Variants in RNF213 observed in about 807,000 individuals in gnomAD.
RNF213 encodes E3 ubiquitin-protein ligase RNF213.
A neutral mutation model predicts 514.4 loss-of-function variants in RNF213; 341 were observed. The ratio of observed to expected loss-of-function variants is 0.66; its 90% CI spans 0.61 to 0.73. The LOEUF is 0.73. Ranked by LOEUF, RNF213 falls within the 30% of genes least tolerant of loss-of-function variation. RNF213 has a pLI of 0.00. For synonymous variants in RNF213, 2,655 were observed against 2,658.2 expected (o/e 1.00, Z 0.04); for missense variants, 5,767 against 6,615.6 (o/e 0.87, Z 4.45).
At position 80,343,243 on chromosome 17, in the gene RNF213, G is replaced by A. The variant is rs918889499; in HGVS notation, c.6101G>A (p.Arg2034Gln). The change falls in exon 27 of 68, where the codon CGA (arginine) becomes CAA (glutamine). Residue 2034 changes from arginine to glutamine, a missense_variant. Arg to Gln is a conservative substitution (Grantham distance 43). Coordinates refer to ENST00000582970, the MANE Select transcript of RNF213 (RefSeq NM_001256071.3). This position sits in a 1 kb window ranked among gnomAD's most constrained non-coding sequence, Gnocchi z 4.3. ...ATCGACCCTCAGGTGGATGAGAGCC[G>A]AGTCCTGGGCGCCCTGCTGCCCTTC... Reference protein sequence around the residue: ...RLIDPQVDESRVLGALLPFLD... With the variant: ...RLIDPQVDESQVLGALLPFLD... The A allele has an allele frequency of 8.7e-6, 14 of 1,613,836 alleles. No homozygotes were observed. Among genetic ancestry groups the A allele is most frequent in the Middle Eastern group, 1.7e-4 (1 of 6,060 alleles).
intron 6 of RNF213, among the ~76,000 whole-genome samples, chr17:80,290,357 A>ATGTGTGCGTGTGTGAGTGCGTGCACG (rs1262605975): frequency 1.5e-5 from 2 of 134,800 alleles, no homozygotes; most frequent in East Asian, 4.5e-4. Flanking sequence ...GTGTGCATGT[A>ATGTGTGCGTGTGTGAGTGCGTGCACG]TGTGTGCGTG....
Position 80,393,347 on chromosome 17 carries a change from T to C in RNF213, c.15473T>C (p.Leu5158Pro). The C allele has an allele frequency of 1.9e-6, 3 of 1,613,898 alleles. No homozygotes were observed. The highest frequency in any genetic ancestry group is 2.5e-6 in the Non-Finnish European group (3 of 1,179,910). The change falls in exon 68 of 68, where the codon CTG (leucine) becomes CCG (proline). Residue 5158 changes from leucine (L) to proline (P), a missense_variant and splice_region_variant. Leu to Pro is a moderately conservative substitution (Grantham distance 98). This residue lies in a region of RNF213 where 1,245 missense variants were observed against 1,339.0 expected (regional missense o/e 0.93). Transcript: ENST00000582970. ...TEERFRPQWS[L>P]RDTLVSYMQT... ...TGCTCTCTTCTTTGGTTTTTCAGCC[T>C]GAGAGACACTCTCGTAAGTTACATG...
intron 46 of RNF213, 32 bp from the exon 47 acceptor site, chr17:80,371,842 G>A: frequency 8.8e-7 from 1 of 1,132,860 alleles, no homozygotes; most frequent in Non-Finnish European, 1.3e-6. Flanking sequence ...CCAGATCTGA[G>A]AGAACCAGGA....
chr17:80,266,860 G>A (rs1313613131), intron 2 of RNF213, among the ~76,000 whole-genome samples: 2 of 152,170 alleles, frequency 1.3e-5, no homozygotes, highest in African/African-American at 4.8e-5. Flanking sequence ...CTTGAGGAAG[G>A]CATGTTGAAA....
At chr17:80,315,867 G>A (rs2045923095) in intron 15 of RNF213, 2 of 54,306 alleles carry the variant, frequency 3.7e-5, no homozygotes, top group Non-Finnish European at 8.4e-5. Flanking sequence ...AGGTGATGGT[G>A]GAGGTAATGG....
chr17:80,301,925 A>G (rs531624341), intron 11 of RNF213, among the ~76,000 whole-genome samples: 8 of 152,366 alleles, frequency 5.3e-5, no homozygotes, highest in African/African-American at 1.7e-4. Context: ...TGTTGTCTAT[A>G]TACACAGTAG....
At chr17:80,304,043 A>G (rs1399695515) in intron 11 of RNF213, among the ~76,000 whole-genome samples, 1 of 151,486 alleles carries the variant, frequency 6.6e-6, no homozygotes, top group Admixed American at 6.6e-5. Context: ...TAGATATAGT[A>G]GAAATATAGA....
intron 29 of RNF213, among the ~76,000 whole-genome samples, chr17:80,348,997 G>A (rs1016370157): frequency 2.6e-5 from 4 of 152,216 alleles, no homozygotes; most frequent in Non-Finnish European, 5.9e-5. Flanking sequence ...GAAAAGACGG[G>A]CCGGTAGGGA....
intron 25 of RNF213, among the ~76,000 whole-genome samples, 181 bp downstream of exon 25, chr17:80,338,178 C>T (rs894577558): frequency 1.3e-5 from 2 of 152,122 alleles, no homozygotes; most frequent in Non-Finnish European, 2.9e-5. Context: ...CTCTAGTCCG[C>T]GGCCCCAGAG....
chr17:80,392,605 G>GT lies in RNF213; in HGVS notation c.15471-728dup, dbSNP rs34876847. Among the ~76,000 whole-genome samples, 37 of 149,162 alleles carry GT rather than the reference G, an allele frequency of 2.5e-4. No individual in the cohort carries two copies. The East Asian group carries it at 4.3e-3, about 17-fold the overall frequency. On this transcript the variant is annotated intron_variant, in intron 67 of 67. Transcript: ENST00000582970. ...TTAAACTGCTCCTCAGGATTTCTGG[G>GT]TTTTTTTTTTTTCTCGCTCTGTCGC...
chr17:80,353,786 G>C lies in RNF213; in HGVS notation c.10578+120G>C. 1 of 1,386,198 alleles carries C rather than the reference G, an allele frequency of 7.2e-7. No homozygotes were observed. The highest frequency in any genetic ancestry group is 1.0e-6 in the Non-Finnish European group (1 of 980,662). The allele number at this position is 1,386,198 out of a possible 1,614,324, so 85.9% of individuals were successfully genotyped here. A position where few individuals can be genotyped will look rare whatever the true frequency, so the allele number is the denominator to read the frequency against. On this transcript the variant is annotated intron_variant, in intron 34 of 67. Transcript: ENST00000582970. The surrounding 1 kb of genome is among the most constrained non-coding windows in gnomAD (Gnocchi z 5.0). Reference sequence around the variant, plus strand: ...CCGCCGCTGTGCAGGGGTGAGGATGGCGCCCCACTTTCCTCACACAGTGAC... The same window carrying C: ...CCGCCGCTGTGCAGGGGTGAGGATGCCGCCCCACTTTCCTCACACAGTGAC...
At chr17:80,326,139 A>C (rs1215506152) in intron 18 of RNF213, among the ~76,000 whole-genome samples, 1 of 151,458 alleles carries the variant, frequency 6.6e-6, no homozygotes, top group Non-Finnish European at 1.5e-5. Flanking sequence ...TTTAATTTTA[A>C]AACAAGGTCT....
At chr17:80,306,980 T>G in intron 12 of RNF213, 148 bp from the exon 13 acceptor site, 1 of 774,972 alleles carries the variant, frequency 1.3e-6, no homozygotes. Flanking sequence ...AGAGGTAAGA[T>G]TAGTATGTGA....
intron 63 of RNF213, among the ~76,000 whole-genome samples, chr17:80,387,628 T>G (rs893280095): frequency 2.0e-5 from 3 of 152,238 alleles, no homozygotes; most frequent in African/African-American, 7.2e-5. Context: ...GTCCACGGCC[T>G]AAAACCCACA....
intron 50 of RNF213, chr17:80,375,181 G>A (rs951187489): frequency 1.2e-5 from 2 of 173,726 alleles, no homozygotes; most frequent in East Asian, 3.0e-4. Context: ...TGGTGATTCC[G>A]TTGCTTCTGT....
chr17:80,267,124 C>T (rs915996267), intron 2 of RNF213, among the ~76,000 whole-genome samples: 1 of 149,782 alleles, frequency 6.7e-6, no homozygotes, highest in Non-Finnish European at 1.5e-5. Flanking sequence ...GGCTGAGGCA[C>T]AAGAATTGCT....
In RNF213 at chr17:80,313,079, C is replaced by T. The variant is rs148610110; in HGVS notation, c.2723C>T (p.Ala908Val). ...SVQTVFQGTL[A>V]ATKRWLREVF... ...CAAACAGTCTTCCAAGGGACCCTTG[C>T]TGCTACGAAAAGGTGGCTCCGAGAA... The change falls in exon 15 of 68, where the codon GCT (alanine) becomes GTT (valine). Residue 908 changes from alanine (A) to valine (V), a missense_variant. By Grantham distance (64) the Ala-to-Val change is moderately conservative. Around this residue, in one of 13 missense-constraint regions of RNF213, gnomAD observed 592 missense variants for 673.9 expected, o/e 0.88. Transcript: ENST00000582970. 2.5e-6 allele frequency: 4 copies of T among 1,613,980 alleles called. No individual in the cohort carries two copies. In the African/African-American group the frequency reaches 4.0e-5, roughly 16 times the overall value.
intron 6 of RNF213, among the ~76,000 whole-genome samples, chr17:80,290,250 T>A (rs945213716): frequency 6.6e-6 from 1 of 152,118 alleles, no homozygotes; most frequent in African/African-American, 2.4e-5. Flanking sequence ...TTTGCTAGGG[T>A]GTGATAATGT....
Position 80,353,807 on chromosome 17 carries a change from G to A in RNF213, c.10578+141G>A. 1 of 1,291,894 alleles carries A rather than the reference G, an allele frequency of 7.7e-7. No individual in the cohort carries two copies. The highest frequency in any genetic ancestry group is 1.1e-6 in the Non-Finnish European group (1 of 902,074). 80.0% of individuals were successfully genotyped at this position (1,291,894 alleles called of 1,614,324 possible). On this transcript the variant is annotated intron_variant, in intron 34 of 67. Transcript: ENST00000582970. This position sits in a 1 kb window ranked among gnomAD's most constrained non-coding sequence, Gnocchi z 5.0. ...GATGGCGCCCCACTTTCCTCACACA[G>A]TGACGGTCTTGTTGCTGGTTACTGG... is the stretch of plus-strand genomic sequence containing the variant.
Sources: gnomAD v4.1 joint callset for allele counts (sites outside exome capture counted in the v4.1 genomes callset) on GRCh38, gnomAD v4.1.1 for gene constraint, gnomAD v4.1.1 regional missense constraint, Gnocchi (gnomAD v3.1) non-coding constraint, MANE v1.5 for transcripts, NCBI Gene and HGNC (gene_info 2026-07-23, HGNC 2026-07-21) for gene names.